Variants in STAP1 observed in about 807,000 individuals in gnomAD.
STAP1 encodes signal-transducing adaptor protein 1.
A neutral mutation model predicts 37.8 loss-of-function variants in STAP1; 30 were observed. That is an observed-to-expected ratio of 0.79 (90% CI 0.59 to 1.08). The LOEUF is 1.08. Ranked by LOEUF, STAP1 falls within the 50% of genes least tolerant of loss-of-function variation. The pLI is 0.00. For synonymous variants in STAP1, 130 were observed against 116.0 expected (o/e 1.12, Z -0.78); for missense variants, 357 against 349.4 (o/e 1.02, Z -0.17).
chr4:67,588,224 G>C (rs1168293141), intron 6 of STAP1, among the ~76,000 whole-genome samples: 1 of 151,800 alleles, frequency 6.6e-6, no homozygotes, highest in Non-Finnish European at 1.5e-5. Context: ...CAAAACCTAA[G>C]CAACTTCAAT....
intron 8 of STAP1, among the ~76,000 whole-genome samples, chr4:67,599,982 T>C (rs757257057): frequency 6.6e-6 from 1 of 152,126 alleles, no homozygotes; most frequent in African/African-American, 2.4e-5. Flanking sequence ...ATCTTTTGTA[T>C]TTTTTTAAAT....
At chr4:67,595,304 T>G (rs1401763614) in intron 8 of STAP1, among the ~76,000 whole-genome samples, 1 of 148,122 alleles carries the variant, frequency 6.8e-6, no homozygotes, top group Non-Finnish European at 1.5e-5. Flanking sequence ...ATCCCAGCAC[T>G]TTGGGAGGAC....
chr4:67,571,704 C>T (rs1032463224), intron 2 of STAP1, among the ~76,000 whole-genome samples: 3 of 151,966 alleles, frequency 2.0e-5, no homozygotes, highest in African/African-American at 7.3e-5. Flanking sequence ...TCAGTTCTTC[C>T]AGGAATAAGA....
At chr4:67,572,065 C>A (rs1473356816) in intron 2 of STAP1, among the ~76,000 whole-genome samples, 1 of 152,130 alleles carries the variant, frequency 6.6e-6, no homozygotes, top group Non-Finnish European at 1.5e-5. Context: ...TGGCAAGAGG[C>A]AGTAAAGCTT....
At chr4:67,576,796 G>C (rs1333349646) in intron 3 of STAP1, among the ~76,000 whole-genome samples, 13 of 152,100 alleles carry the variant, frequency 8.5e-5, no homozygotes, top group Admixed American at 8.5e-4. Flanking sequence ...CCCTGACCTG[G>C]TATTGTTATT....
At chr4:67,561,533 A>G (rs1727337321) in intron 1 of STAP1, among the ~76,000 whole-genome samples, 1 of 152,210 alleles carries the variant, frequency 6.6e-6, no homozygotes, top group Admixed American at 6.5e-5. Flanking sequence ...AACAACGTAT[A>G]CCATTTTGCA....
intron 6 of STAP1, among the ~76,000 whole-genome samples, chr4:67,588,353 C>CGATGAT (rs35620968): frequency 1.4e-4 from 21 of 151,040 alleles, no homozygotes; most frequent in South Asian, 2.1e-4. Context: ...ACGACGACGA[C>CGATGAT]GATGATGATG....
intron 3 of STAP1, among the ~76,000 whole-genome samples, chr4:67,576,411 T>G (rs1727721380): frequency 6.6e-6 from 1 of 152,246 alleles, no homozygotes; most frequent in Admixed American, 6.5e-5. Context: ...GAATAGTGCT[T>G]AGCACTTAAA....
At chr4:67,566,994 AAT>A (rs1316450750) in intron 1 of STAP1, among the ~76,000 whole-genome samples, 1 of 152,096 alleles carries the variant, frequency 6.6e-6, no homozygotes, top group Non-Finnish European at 1.5e-5. Context: ...ATAAAATAAA[AAT>A]AGAGTAGATT....
intron 8 of STAP1, among the ~76,000 whole-genome samples, chr4:67,598,407 A>G (rs1728270194): frequency 6.6e-6 from 1 of 152,140 alleles, no homozygotes; most frequent in South Asian, 2.1e-4. Flanking sequence ...ACAGTGTATG[A>G]AGGTTCCCTT....
intron 7 of STAP1, among the ~76,000 whole-genome samples, chr4:67,591,409 A>C (rs1328864964): frequency 6.6e-6 from 1 of 152,212 alleles, no homozygotes; most frequent in African/African-American, 2.4e-5. Context: ...CCATGGGGCT[A>C]ATGATATAGC....
chr4:67,571,769 A>G (rs912454709), intron 2 of STAP1, among the ~76,000 whole-genome samples: 6 of 152,222 alleles, frequency 3.9e-5, no homozygotes, highest in African/African-American at 1.4e-4. Context: ...AAGAGACTTT[A>G]TGAGCCAGTA....
chr4:67,577,840 G>T (rs1727760931), intron 4 of STAP1, among the ~76,000 whole-genome samples: 1 of 151,828 alleles, frequency 6.6e-6, no homozygotes, highest in Non-Finnish European at 1.5e-5. Context: ...GTAGAGATGA[G>T]GTTTCATCAT....
intron 6 of STAP1, among the ~76,000 whole-genome samples, chr4:67,588,039 TAAAAAAAAAAAA>T (rs3032636): frequency 3.5e-5 from 3 of 85,632 alleles, no homozygotes; most frequent in Non-Finnish European, 6.3e-5. Flanking sequence ...CACATTTTCT[TAAAAAAAAAAAA>T]AAAAAAAAAA....
At chr4:67,586,148 C>T (rs1281538667) in intron 6 of STAP1, among the ~76,000 whole-genome samples, 1 of 152,074 alleles carries the variant, frequency 6.6e-6, no homozygotes, top group African/African-American at 2.4e-5. Context: ...CTCTCAAGAC[C>T]TGACAGCTCC....
chr4:67,574,776 C>T (rs1353477750), intron 2 of STAP1, among the ~76,000 whole-genome samples: 4 of 152,110 alleles, frequency 2.6e-5, no homozygotes, highest in African/African-American at 4.8e-5. Flanking sequence ...GTATGTGTGC[C>T]TGAAGTATGG....
rs890373463 is a variant in STAP1, at chr4:67,606,002, C to A, written c.827-294C>A. On this transcript the variant is annotated intron_variant, in intron 8 of 8. Coordinates refer to ENST00000265404, the MANE Select transcript of STAP1 (RefSeq NM_012108.4). ...AGAGCAATAATGGAACAAGAATGGTCAAAGATATTTCCCAACTCCAGAAAT... is the reference window on the plus strand; with the variant it reads ...AGAGCAATAATGGAACAAGAATGGTAAAAGATATTTCCCAACTCCAGAAAT... Among the ~76,000 whole-genome samples, 8 of 152,168 alleles carry A rather than the reference C, an allele frequency of 5.3e-5. No homozygotes were observed. In the East Asian group the frequency reaches 1.5e-3, roughly 29 times the overall value.
Position 67,575,441 on chromosome 4 carries a change from T to C in STAP1, c.249T>C (p.Thr83=). ...DLTCLTEQNS[T]EKNCAKFTLV... ...CATGCCTTACTGAGCAGAATTCAAC[T>C]GAAAAGAACTGTGCGAAATTCACCC... is the stretch of plus-strand genomic sequence containing the variant. The change falls in exon 3 of 9, where the codon ACT becomes ACC. Residue 83 remains threonine (T), a synonymous_variant. Transcript: ENST00000265404. 3 of 1,605,598 alleles carry C rather than the reference T, an allele frequency of 1.9e-6. No individual in the cohort carries two copies. The South Asian group carries it at 3.4e-5, about 18-fold the overall frequency.
At chr4:67,558,961 G>T in intron 1 of STAP1, 32 bp downstream of exon 1, 1 of 1,534,028 alleles carries the variant, frequency 6.5e-7, no homozygotes, top group African/African-American at 1.4e-5. Context: ...TTAAACCTAA[G>T]ACTTCTGTTT....
Sources: gnomAD v4.1 joint callset for allele counts (sites outside exome capture counted in the v4.1 genomes callset) on GRCh38, gnomAD v4.1.1 for gene constraint, MANE v1.5 for transcripts, NCBI Gene and HGNC (gene_info 2026-07-23, HGNC 2026-07-21) for gene names.